PIK3C2A: variants seen among roughly 807,000 people sequenced by gnomAD.
The protein encoded by PIK3C2A is phosphatidylinositol-4-phosphate 3-kinase catalytic subunit type 2 alpha.
Under a neutral mutation model 204.5 loss-of-function variants are expected in PIK3C2A, and 97 were observed. The observed-to-expected ratio is 0.47, with a 90% CI of 0.40 to 0.56. The LOEUF is 0.56. Among genes scored for constraint, PIK3C2A ranks in the 20% least tolerant of loss-of-function variants. PIK3C2A has a pLI of 0.00. For synonymous variants in PIK3C2A, 653 were observed against 664.4 expected (o/e 0.98, Z 0.26); for missense variants, 1,735 against 1,969.2 (o/e 0.88, Z 2.25).
At chr11:17,099,323 G>T (rs1049030378) in intron 26 of PIK3C2A, among the ~76,000 whole-genome samples, 1 of 152,156 alleles carries the variant, frequency 6.6e-6, no homozygotes, top group African/African-American at 2.4e-5. Flanking sequence ...AACACCAAAG[G>T]TCTCCATGGA....
chr11:17,173,519 C>T lies in PIK3C2A; in HGVS notation c.-65-3713G>A, dbSNP rs369152912. Among the ~76,000 whole-genome samples the T allele has an allele frequency of 2.6e-4, 39 of 152,310 alleles. No individual in the cohort carries two copies. In the South Asian group the frequency reaches 7.9e-3, roughly 31 times the overall value. ...TAAAACGAAGAAAGACAGATTCTGG[C>T]TAATATTACACTGGCATCTGGATCC... On this transcript the variant is annotated intron_variant, in intron 1 of 32. Coordinates refer to ENST00000691414, the MANE Select transcript of PIK3C2A (RefSeq NM_002645.4).
intron 1 of PIK3C2A, chr11:17,193,491 G>A (rs1852010229): frequency 2.2e-6 from 1 of 450,076 alleles, no homozygotes; most frequent in Non-Finnish European, 4.5e-6. Context: ...GTGCAGACAT[G>A]GCCAAGTCCA....
chr11:17,187,334 A>G (rs1389414345), intron 1 of PIK3C2A, among the ~76,000 whole-genome samples: 1 of 152,228 alleles, frequency 6.6e-6, no homozygotes, highest in Non-Finnish European at 1.5e-5. Flanking sequence ...AAGGACTGGA[A>G]TAAAACACTA....
chr11:17,134,186 T>G (rs2137387843), intron 11 of PIK3C2A, among the ~76,000 whole-genome samples: 1 of 152,312 alleles, frequency 6.6e-6, no homozygotes, highest in Non-Finnish European at 1.5e-5. Context: ...TCAGAATAGT[T>G]GCTAGATAAA....
chr11:17,128,338 G>A (rs1849590395), intron 13 of PIK3C2A, among the ~76,000 whole-genome samples: 1 of 149,290 alleles, frequency 6.7e-6, no homozygotes, highest in African/African-American at 2.5e-5. Flanking sequence ...AGGTTCAAGT[G>A]ATTCTCATGC....
At chr11:17,143,669 T>C (rs1004163245) in intron 8 of PIK3C2A, among the ~76,000 whole-genome samples, 2 of 151,016 alleles carry the variant, frequency 1.3e-5, no homozygotes. Flanking sequence ...CCAGGCGCAG[T>C]GGCTCACGCC....
intron 15 of PIK3C2A, among the ~76,000 whole-genome samples, chr11:17,121,546 T>C (rs926782586): frequency 7.9e-5 from 12 of 152,246 alleles, no homozygotes; most frequent in Admixed American, 6.5e-4. Flanking sequence ...TATAACCTTG[T>C]AGATTTTGCC....
At chr11:17,094,239 A>G in intron 28 of PIK3C2A, 22 bp downstream of exon 28, 1 of 1,566,716 alleles carries the variant, frequency 6.4e-7, no homozygotes, top group Non-Finnish European at 8.7e-7. Context: ...AAAAGGATTA[A>G]TGTACAAGGA....
intron 8 of PIK3C2A, chr11:17,138,330 T>C: frequency 6.5e-6 from 3 of 461,834 alleles, no homozygotes; most frequent in Admixed American, 6.2e-5. Context: ...GCTTCCTTTT[T>C]TTTTTTTTTT....
chr11:17,122,042 A>T, intron 15 of PIK3C2A, 146 bp downstream of exon 15: 2 of 483,198 alleles, frequency 4.1e-6, no homozygotes, highest in African/African-American at 2.1e-5. Context: ...AAAAAAAAAA[A>T]GGAAAAAAAG....
At chr11:17,149,082 A>G (rs1012672233) in intron 4 of PIK3C2A, among the ~76,000 whole-genome samples, 3 of 152,140 alleles carry the variant, frequency 2.0e-5, no homozygotes, top group Admixed American at 2.0e-4. Flanking sequence ...AAAGAAAAAA[A>G]CTGCATCTGT....
At chr11:17,101,530 C>G in intron 24 of PIK3C2A, 96 bp from the exon 25 acceptor site, 1 of 516,990 alleles carries the variant, frequency 1.9e-6, no homozygotes, top group East Asian at 3.2e-5. Flanking sequence ...TGAGGTACAG[C>G]CATTTCCAAC....
At chr11:17,125,665 C>G (rs1211054923) in intron 13 of PIK3C2A, among the ~76,000 whole-genome samples, 1 of 152,092 alleles carries the variant, frequency 6.6e-6, no homozygotes, top group Non-Finnish European at 1.5e-5. Context: ...TAGGCACGAG[C>G]CACCATACCT....
At chr11:17,186,161 G>A (rs1462452943) in intron 1 of PIK3C2A, among the ~76,000 whole-genome samples, 12 of 152,108 alleles carry the variant, frequency 7.9e-5, no homozygotes, top group Admixed American at 7.9e-4. Context: ...CTGAATCACT[G>A]AATGGCTTAA....
intron 6 of PIK3C2A, among the ~76,000 whole-genome samples, chr11:17,146,326 T>A (rs1850242628): frequency 6.6e-6 from 1 of 152,186 alleles, no homozygotes; most frequent in Admixed American, 6.5e-5. Context: ...TGCATTATTT[T>A]TTCTAATGAT....
chr11:17,167,723 C>T (rs1851012726), intron 2 of PIK3C2A, among the ~76,000 whole-genome samples: 1 of 152,082 alleles, frequency 6.6e-6, no homozygotes, highest in Non-Finnish European at 1.5e-5. Context: ...TAGTTAACTC[C>T]CAATGATAAA....
chr11:17,166,640 T>G (rs1438858953), intron 2 of PIK3C2A, among the ~76,000 whole-genome samples: 4 of 152,250 alleles, frequency 2.6e-5, no homozygotes, highest in African/African-American at 4.8e-5. Flanking sequence ...AGTGCAAGGC[T>G]TGAGCCTAAG....
intron 8 of PIK3C2A, among the ~76,000 whole-genome samples, chr11:17,142,442 G>C (rs1296801091): frequency 6.6e-6 from 1 of 152,120 alleles, no homozygotes; most frequent in East Asian, 1.9e-4. Flanking sequence ...AAAGCAGAAG[G>C]TGGTATCCCA....
chr11:17,168,566 G>A, intron 2 of PIK3C2A, 111 bp downstream of exon 2: 1 of 773,188 alleles, frequency 1.3e-6, no homozygotes, highest in Admixed American at 2.7e-5. Flanking sequence ...GGGCGACAGA[G>A]CGAGACTCCT....
Sources: gnomAD v4.1 joint callset for allele counts (sites outside exome capture counted in the v4.1 genomes callset) on GRCh38, gnomAD v4.1.1 for gene constraint, MANE v1.5 for transcripts, NCBI Gene and HGNC (gene_info 2026-07-23, HGNC 2026-07-21) for gene names.